The following AZI2 variants were observed in gnomAD, a reference collection of about 807,000 sequenced individuals.
AZI2 encodes the protein 5-azacytidine induced 2.
A neutral mutation model predicts 45.8 loss-of-function variants in AZI2; 22 were observed. That is an observed-to-expected ratio of 0.48 (90% CI 0.34 to 0.69). The LOEUF is 0.69. AZI2 is among the 30% of genes least tolerant of loss of function. The pLI is 0.01. For synonymous variants in AZI2, 137 were observed against 156.7 expected (o/e 0.87, Z 0.94); for missense variants, 417 against 441.5 (o/e 0.94, Z 0.50).
At chr3:28,347,736 T>G (rs1361397416) in intron 1 of AZI2, among the ~76,000 whole-genome samples, 3 of 152,162 alleles carry the variant, frequency 2.0e-5, no homozygotes, top group African/African-American at 7.2e-5. Flanking sequence ...ACATTAAAAT[T>G]TGGAAATATC....
chr3:28,323,180 C>T lies in AZI2; in HGVS notation c.*862G>A, dbSNP rs1338244995. 2.6e-5 allele frequency: 4 copies of T among 151,014 alleles called. No individual in the cohort carries two copies. Among genetic ancestry groups the T allele is most frequent in the Admixed American group, 2.6e-4 (4 of 15,106 alleles). The allele number at this position is 151,014 out of a possible 1,614,324, so 9.4% of individuals were successfully genotyped here. On this transcript the variant is annotated 3_prime_UTR_variant, in exon 8 of 8. Coordinates refer to ENST00000479665, the MANE Select transcript of AZI2 (RefSeq NM_022461.5). Reference sequence around the variant, plus strand: ...GCTGCTCTACACAATGTGCAGCTAGCTGTAGTCTCTTTGAAGAAAATGACT... The same window carrying T: ...GCTGCTCTACACAATGTGCAGCTAGTTGTAGTCTCTTTGAAGAAAATGACT...
At chr3:28,332,604 T>C (rs1209179416) in intron 5 of AZI2, among the ~76,000 whole-genome samples, 177 bp from the exon 6 acceptor site, 1 of 151,714 alleles carries the variant, frequency 6.6e-6, no homozygotes, top group Non-Finnish European at 1.5e-5. Context: ...ATAACAAATA[T>C]CTCTAAATCA....
intron 1 of AZI2, chr3:28,348,218 A>G (rs1284833879): frequency 1.3e-5 from 2 of 152,226 alleles, no homozygotes; most frequent in African/African-American, 4.8e-5. Flanking sequence ...TGCCCCAGGG[A>G]GTACCGTCCT....
In AZI2 at chr3:28,324,224, A is replaced by G; in HGVS notation, c.997T>C (p.Phe333Leu). Reference protein sequence around the residue: ...ERSIPNDGTCFQEHSSYGRNS... With the variant: ...ERSIPNDGTCLQEHSSYGRNS... ...CTGCCATAAGAACTGTGTTCCTGAA[A>G]GCATGTACCATCATTAGGAATGGAT... is the stretch of plus-strand genomic sequence containing the variant. Residue 333 changes from phenylalanine (F) to leucine (L), a missense_variant, in exon 8 of 8, where the codon TTT becomes CTT. By Grantham distance (22) the Phe-to-Leu change is conservative. Transcript: ENST00000479665. 6.2e-7 allele frequency: 1 copy of G among 1,610,572 alleles called. No homozygotes were observed. Among genetic ancestry groups the G allele is most frequent in the Non-Finnish European group, 8.5e-7 (1 of 1,177,638 alleles).
chr3:28,338,646 A>G, intron 2 of AZI2, 31 bp from the exon 3 acceptor site: 2 of 1,587,710 alleles, frequency 1.3e-6, no homozygotes, highest in Non-Finnish European at 1.7e-6. Flanking sequence ...GAGAAAGCTT[A>G]AGAGAGTATT....
At chr3:28,339,134 C>T (rs943788738) in intron 2 of AZI2, among the ~76,000 whole-genome samples, 2 of 151,996 alleles carry the variant, frequency 1.3e-5, no homozygotes, top group African/African-American at 2.4e-5. Context: ...TGCACCACCA[C>T]GCCCTGCTAA....
intron 5 of AZI2, 85 bp downstream of exon 5, chr3:28,336,652 T>C (rs1326627473): frequency 1.5e-6 from 2 of 1,356,862 alleles, no homozygotes; most frequent in Non-Finnish European, 2.0e-6. Flanking sequence ...ATTTTAACTC[T>C]ATGGTTTAAT....
chr3:28,337,869 T>C lies in AZI2; in HGVS notation c.439+68A>G, dbSNP rs936393220. 4 of 1,014,656 alleles carry C rather than the reference T, an allele frequency of 3.9e-6. No homozygotes were observed. The African/African-American group carries it at 6.7e-5, about 17-fold the overall frequency. The allele number at this position is 1,014,656 out of a possible 1,614,324, so 62.9% of individuals were successfully genotyped here. ...TTAGCATATGGATACAGAAAACTGT[T>C]GATATTACAAATAAATGGAAAAATA... is the stretch of plus-strand genomic sequence containing the variant. On this transcript the variant is annotated intron_variant, in intron 4 of 7. Coordinates refer to ENST00000479665, the MANE Select transcript of AZI2 (RefSeq NM_022461.5).
At chr3:28,325,125 T>TAAAAA (rs35479280) in intron 7 of AZI2, 84 of 86,554 alleles carry the variant, frequency 9.7e-4, no homozygotes, top group African/African-American at 3.2e-3. Flanking sequence ...GTAGGTAAAG[T>TAAAAA]AAAAAAAAAA....
At position 28,322,867 on chromosome 3, in the gene AZI2, T is replaced by TATCA. The variant is rs1703230133; in HGVS notation, c.*1171_*1174dup. On this transcript the variant is annotated 3_prime_UTR_variant, in exon 8 of 8. Transcript: ENST00000479665. ...TGAGTTCAAGATATATGAAACTGTC[T>TATCA]ATCAAAAAGGATAAAAGTCCTCCTA... 2 of 151,250 alleles carry TATCA rather than the reference T, an allele frequency of 1.3e-5. No individual in the cohort carries two copies. Among genetic ancestry groups the TATCA allele is most frequent in the African/African-American group, 2.4e-5 (1 of 41,334 alleles). 9.4% of individuals were successfully genotyped at this position (151,250 alleles called of 1,614,324 possible).
intron 1 of AZI2, among the ~76,000 whole-genome samples, chr3:28,345,548 C>T (rs1443067703): frequency 6.6e-6 from 1 of 151,770 alleles, no homozygotes; most frequent in Non-Finnish European, 1.5e-5. Context: ...GAGGTAAACA[C>T]TATTGACAAT....
Position 28,323,850 on chromosome 3 carries a change from G to A in AZI2, c.*192C>T. 1.9e-6 allele frequency: 1 copy of A among 527,562 alleles called. No homozygotes were observed. The highest frequency in any genetic ancestry group is 3.3e-6 in the Non-Finnish European group (1 of 298,860). 32.7% of individuals were successfully genotyped at this position (527,562 alleles called of 1,614,324 possible). ...TTCAGATTCTTAGAATATGGAGCTAGAGGGTGCTCTTTCATACTAGAAAAC... is the reference window on the plus strand; with the variant it reads ...TTCAGATTCTTAGAATATGGAGCTAAAGGGTGCTCTTTCATACTAGAAAAC... On this transcript the variant is annotated 3_prime_UTR_variant, in exon 8 of 8. Transcript: ENST00000479665.
intron 6 of AZI2, among the ~76,000 whole-genome samples, chr3:28,331,349 T>G (rs1469908850): frequency 6.6e-6 from 1 of 151,492 alleles, no homozygotes; most frequent in Non-Finnish European, 1.5e-5. Context: ...ACATGGATAC[T>G]ATACTAGACA....
intron 6 of AZI2, chr3:28,332,019 T>A (rs1037589596): frequency 4.1e-5 from 39 of 959,012 alleles, no homozygotes; most frequent in Non-Finnish European, 5.4e-5. Context: ...AATGGCCAAG[T>A]AGGCTCTTAA....
At chr3:28,346,658 A>C (rs1704242061) in intron 1 of AZI2, among the ~76,000 whole-genome samples, 1 of 152,296 alleles carries the variant, frequency 6.6e-6, no homozygotes, top group Non-Finnish European at 1.5e-5. Flanking sequence ...TCTACCTCTG[A>C]AAAGTTAGGA....
At chr3:28,343,180 G>GGGT (rs1179577854) in intron 1 of AZI2, among the ~76,000 whole-genome samples, 1 of 152,008 alleles carries the variant, frequency 6.6e-6, no homozygotes, top group Non-Finnish European at 1.5e-5. Context: ...ATGTTATGGG[G>GGGT]GGTCTGAGGG....
Position 28,332,447 on chromosome 3 carries a change from AAG to A in AZI2, c.589-22_589-21del, listed in dbSNP as rs754883022. On this transcript the variant is annotated intron_variant, in intron 5 of 7. Transcript: ENST00000479665. ...TGGATCCTGTCATTTGTTTAAAAAAAAGAAGTTTAAAAGTTGTAATTTTTACA... is the reference window on the plus strand; with the variant it reads ...TGGATCCTGTCATTTGTTTAAAAAAAAAGTTTAAAAGTTGTAATTTTTACA... 4 of 1,597,072 alleles carry A rather than the reference AAG, an allele frequency of 2.5e-6. No individual in the cohort carries two copies. The African/African-American group carries it at 4.0e-5, about 16-fold the overall frequency.
At chr3:28,345,680 A>G (rs1349622117) in intron 1 of AZI2, among the ~76,000 whole-genome samples, 1 of 152,132 alleles carries the variant, frequency 6.6e-6, no homozygotes, top group Admixed American at 6.5e-5. Context: ...CAGGAAAAAA[A>G]AGATTCAAAC....
intron 3 of AZI2, 134 bp downstream of exon 3, chr3:28,338,359 C>A: frequency 1.0e-6 from 1 of 952,808 alleles, no homozygotes; most frequent in South Asian, 2.9e-5. Flanking sequence ...ACTAAAATTT[C>A]CATTTTGCCT....
Sources: gnomAD v4.1 joint callset for allele counts (sites outside exome capture counted in the v4.1 genomes callset) on GRCh38, gnomAD v4.1.1 for gene constraint, MANE v1.5 for transcripts, NCBI Gene and HGNC (gene_info 2026-07-23, HGNC 2026-07-21) for gene names.